SLC9A2: variants seen among roughly 807,000 people sequenced by gnomAD.
SLC9A2 encodes solute carrier family 9 member A2.
SLC9A2 carries 42 observed loss-of-function variants against 71.7 expected under a neutral mutation model. The observed-to-expected ratio is 0.59, with a 90% CI of 0.46 to 0.76. The LOEUF (loss-of-function observed/expected upper bound fraction) is 0.76, where lower values mean the gene tolerates loss of function less well. Among genes scored for constraint, SLC9A2 ranks in the 30% least tolerant of loss-of-function variants. The pLI, the probability that SLC9A2 is intolerant of heterozygous loss-of-function variation, is 0.00. For synonymous variants in SLC9A2, 396 were observed against 392.5 expected (o/e 1.01, Z -0.10); for missense variants, 829 against 1,017.4 (o/e 0.81, Z 2.52).
chr2:102,691,706 C>A (rs1239945872), intron 5 of SLC9A2, among the ~76,000 whole-genome samples: 5 of 152,208 alleles, frequency 3.3e-5, no homozygotes, highest in Non-Finnish European at 5.9e-5. Context: ...TGATTATAAA[C>A]ATAAATATAT....
At chr2:102,701,272 A>T (rs377149603) in intron 8 of SLC9A2, 41 bp downstream of exon 8, 89 of 1,362,736 alleles carry the variant, frequency 6.5e-5, no homozygotes, top group Non-Finnish European at 8.6e-5. Flanking sequence ...ATTGTTAAAT[A>T]GGCATTGATA....
At chr2:102,665,697 C>A (rs1294863026) in intron 3 of SLC9A2, among the ~76,000 whole-genome samples, 1 of 131,958 alleles carries the variant, frequency 7.6e-6, no homozygotes, top group Non-Finnish European at 1.5e-5. Flanking sequence ...TGGCATGAAC[C>A]CGGGAGGCGG....
chr2:102,708,176 C>A lies in SLC9A2; in HGVS notation c.2126C>A (p.Pro709His), dbSNP rs780751618. The change falls in exon 12 of 12, where the codon CCC (proline) becomes CAC (histidine). Residue 709 changes from proline to histidine, a missense_variant. Transcript: ENST00000233969. ...DAGTTVLNLQPRARRFLPEQF... is the reference protein window; with the variant it reads ...DAGTTVLNLQHRARRFLPEQF... ...GGGACCACCGTGCTCAATTTGCAGC[C>A]CAGAGCCAGGCGCTTCTTGCCAGAA... is the stretch of plus-strand genomic sequence containing the variant. 6.2e-7 allele frequency: 1 copy of A among 1,614,128 alleles called. No homozygotes were observed. Among genetic ancestry groups the A allele is most frequent in the Admixed American group, 1.7e-5 (1 of 60,022 alleles).
chr2:102,683,845 C>G (rs551325914), intron 4 of SLC9A2, among the ~76,000 whole-genome samples: 5 of 152,136 alleles, frequency 3.3e-5, no homozygotes, highest in African/African-American at 9.6e-5. Flanking sequence ...TTGCTCTTCC[C>G]GCCCCTTCCT....
intron 3 of SLC9A2, among the ~76,000 whole-genome samples, chr2:102,679,327 A>T (rs571678634): frequency 1.2e-4 from 18 of 152,198 alleles, no homozygotes; most frequent in African/African-American, 4.3e-4. Context: ...GATCCCATGG[A>T]CATTCATGTT....
intron 1 of SLC9A2, among the ~76,000 whole-genome samples, chr2:102,620,415 T>G: frequency 6.6e-6 from 1 of 152,212 alleles, no homozygotes; most frequent in East Asian, 1.9e-4. Context: ...AACGCCAAGT[T>G]TGTCAGCTCT....
intron 1 of SLC9A2, among the ~76,000 whole-genome samples, chr2:102,627,860 C>A (rs1046528974): frequency 2.0e-5 from 3 of 152,066 alleles, no homozygotes; most frequent in African/African-American, 7.2e-5. Context: ...GTAAGAAACA[C>A]CAATATTTAA....
chr2:102,653,683 AC>A (rs1480982788), intron 1 of SLC9A2, among the ~76,000 whole-genome samples: 1 of 152,166 alleles, frequency 6.6e-6, no homozygotes, highest in Non-Finnish European at 1.5e-5. Context: ...GAAGAGCAGC[AC>A]CCCATGTGAA....
At chr2:102,698,465 T>C (rs777715645) in intron 7 of SLC9A2, among the ~76,000 whole-genome samples, 9 of 152,238 alleles carry the variant, frequency 5.9e-5, no homozygotes, top group Non-Finnish European at 8.8e-5. Flanking sequence ...TAATGTTGTA[T>C]AACAAACCAT....
At chr2:102,625,725 G>A in intron 1 of SLC9A2, among the ~76,000 whole-genome samples, 1 of 152,038 alleles carries the variant, frequency 6.6e-6, no homozygotes, top group Non-Finnish European at 1.5e-5. Flanking sequence ...TATCATTGTT[G>A]GACATTTGGG....
chr2:102,699,599 T>C (rs1386814317), intron 7 of SLC9A2, among the ~76,000 whole-genome samples: 1 of 152,116 alleles, frequency 6.6e-6, no homozygotes, highest in Admixed American at 6.6e-5. Flanking sequence ...TGGCTGGATT[T>C]TGTATGTATT....
intron 1 of SLC9A2, among the ~76,000 whole-genome samples, chr2:102,657,214 AAAT>A (rs1553425683): frequency 2.8e-4 from 42 of 151,508 alleles, no homozygotes; most frequent in African/African-American, 2.7e-4. Flanking sequence ...TCAAAAAAAA[AAAT>A]AATAATAATA....
chr2:102,661,993 C>G (rs1677057155), intron 2 of SLC9A2, among the ~76,000 whole-genome samples: 1 of 152,174 alleles, frequency 6.6e-6, no homozygotes, highest in Non-Finnish European at 1.5e-5. Context: ...AGAATTTTAT[C>G]TCGTGCTGAT....
chr2:102,659,088 T>A (rs1368736009), intron 2 of SLC9A2, among the ~76,000 whole-genome samples: 1 of 152,104 alleles, frequency 6.6e-6, no homozygotes, highest in African/African-American at 2.4e-5. Flanking sequence ...CTCCATTTGC[T>A]CTTATCATTA....
intron 3 of SLC9A2, among the ~76,000 whole-genome samples, chr2:102,679,070 C>G (rs1003081356): frequency 2.6e-5 from 4 of 152,108 alleles, no homozygotes; most frequent in Admixed American, 2.0e-4. Context: ...ACATGGCAGA[C>G]CAGAATGGGA....
rs776620117 is a variant in SLC9A2, at chr2:102,665,350, C to G, written c.1004C>G (p.Ala335Gly). The change falls in exon 3 of 12, where the codon GCA becomes GGA. Residue 335 changes from alanine (A) to glycine (G), a missense_variant and splice_region_variant. By Grantham distance (60) the Ala-to-Gly change is moderately conservative. Coordinates refer to ENST00000233969, the MANE Select transcript of SLC9A2 (RefSeq NM_003048.6). ...ATGTTTCACCTCTCAGGCATCATGGCGTAAGTACTTCTTTGTTAAAAGTGC... is the reference window on the plus strand; with the variant it reads ...ATGTTTCACCTCTCAGGCATCATGGGGTAAGTACTTCTTTGTTAAAAGTGC... ...AEMFHLSGIM[A>G]ITACAMTMNK... 1.9e-6 allele frequency: 3 copies of G among 1,608,436 alleles called. No homozygotes were observed. In the South Asian group the frequency reaches 3.3e-5, roughly 18 times the overall value.
chr2:102,641,730 T>C (rs1373051818), intron 1 of SLC9A2, among the ~76,000 whole-genome samples: 1 of 152,006 alleles, frequency 6.6e-6, no homozygotes, highest in East Asian at 1.9e-4. Flanking sequence ...CTGTCTGGGA[T>C]ATTGCTGTGT....
At chr2:102,620,236 C>T in intron 1 of SLC9A2, 99 bp downstream of exon 1, 1 of 1,037,488 alleles carries the variant, frequency 9.6e-7, no homozygotes, top group Non-Finnish European at 1.4e-6. Flanking sequence ...TAGTGACCGC[C>T]TCATCTTGAA....
chr2:102,664,781 A>G (rs1354539634), intron 2 of SLC9A2, among the ~76,000 whole-genome samples: 2 of 152,186 alleles, frequency 1.3e-5, no homozygotes, highest in African/African-American at 4.8e-5. Flanking sequence ...GCAAACAAAT[A>G]TTTTAAAATA....
Sources: allele counts gnomAD v4.1 joint callset (sites outside exome capture counted in the v4.1 genomes callset), GRCh38; gene constraint gnomAD v4.1.1; transcripts MANE v1.5; gene names NCBI Gene and HGNC (gene_info 2026-07-23, HGNC 2026-07-21).